RPH3AL: variants seen among roughly 807,000 people sequenced by gnomAD.
RPH3AL encodes the protein rab effector Noc2.
RPH3AL carries 38 observed loss-of-function variants against 43.1 expected under a neutral mutation model. The ratio of observed to expected loss-of-function variants is 0.88; its 90% CI spans 0.68 to 1.15. The LOEUF (loss-of-function observed/expected upper bound fraction) is 1.15, where lower values mean the gene tolerates loss of function less well. Ranked by LOEUF, RPH3AL falls within the 50% of genes most tolerant of loss-of-function variation. The pLI, the probability that RPH3AL is intolerant of heterozygous loss-of-function variation, is 0.00. For synonymous variants in RPH3AL, 189 were observed against 176.3 expected (o/e 1.07, Z -0.57); for missense variants, 462 against 423.2 (o/e 1.09, Z -0.81).
At position 215,764 on chromosome 17, in the gene RPH3AL, G is replaced by A; in HGVS notation, c.766C>T (p.Pro256Ser). 6.1e-6 allele frequency: 8 copies of A among 1,304,838 alleles called. No individual in the cohort carries two copies. The highest frequency in any genetic ancestry group is 7.8e-6 in the Non-Finnish European group (8 of 1,023,144). The allele number at this position is 1,304,838 out of a possible 1,614,324, so 80.8% of individuals were successfully genotyped here. A position where few individuals can be genotyped will look rare whatever the true frequency, so the allele number is the denominator to read the frequency against. Residue 256 changes from proline to serine, a missense_variant, in exon 9 of 10, where the codon CCG becomes TCG. By Grantham distance (74) the Pro-to-Ser change is moderately conservative. Transcript: ENST00000331302. The surrounding 1 kb of genome is among the most constrained non-coding windows in gnomAD (Gnocchi z 4.1). ...VEAPRMGFTH[P>S]PGHLSGCQSS... is the part of the protein sequence containing the mutation. ...TGGCACCCAGAGAGGTGGCCCGGCG[G>A]GTGGGTGAACCCCATCCTGGGGGCC...
rs551571779 is a variant in RPH3AL at position 228,109 on chromosome 17, A to G, written c.614-8373T>C. Among the ~76,000 whole-genome samples the G allele has an allele frequency of 3.9e-5, 6 of 152,164 alleles. No homozygotes were observed. The East Asian group carries it at 1.2e-3, about 30-fold the overall frequency. ...GGGGCTCCATCTTGGTGGCAGCTGG[A>G]GGGGAGCCTGGGGTGGGGGAGTCAC... On this transcript the variant is annotated intron_variant, in intron 7 of 9. Coordinates refer to ENST00000331302, the MANE Select transcript of RPH3AL (RefSeq NM_006987.4).
At chr17:314,194 TG>T (rs1248513106) in intron 5 of RPH3AL, among the ~76,000 whole-genome samples, 42 of 152,160 alleles carry the variant, frequency 2.8e-4, no homozygotes, top group Non-Finnish European at 7.4e-5. Flanking sequence ...CCAGGGGAAG[TG>T]GGCCAGGATC....
intron 6 of RPH3AL, among the ~76,000 whole-genome samples, chr17:258,700 C>A (rs1181128917): frequency 1.3e-5 from 2 of 152,144 alleles, no homozygotes; most frequent in Non-Finnish European, 2.9e-5. Context: ...GAGCACAGGA[C>A]CCAAAGCATC....
chr17:241,055 CAATAATAATAATAAT>C (rs57086885), intron 7 of RPH3AL, among the ~76,000 whole-genome samples: 71 of 143,656 alleles, frequency 4.9e-4, no homozygotes, highest in African/African-American at 1.4e-3. Context: ...GACTCCATCT[CAATAATAATAATAAT>C]AATAATAATA....
intron 6 of RPH3AL, among the ~76,000 whole-genome samples, chr17:268,918 A>G (rs377546801): frequency 3.8e-4 from 57 of 151,330 alleles, no homozygotes; most frequent in Non-Finnish European, 5.3e-4. Context: ...TCGCTCCGTC[A>G]CCCAGGCTGG....
Position 289,764 on chromosome 17 carries a change from G to A in RPH3AL, c.352-7910C>T, listed in dbSNP as rs984465680. ...CTTCTGCCACAGGACCTTTGCACGTGTTGCCCCCTCTGTGTGGCCACGCTG... is the reference window on the plus strand; with the variant it reads ...CTTCTGCCACAGGACCTTTGCACGTATTGCCCCCTCTGTGTGGCCACGCTG... On this transcript the variant is annotated intron_variant, in intron 5 of 9. Transcript: ENST00000331302. The surrounding 1 kb of genome is among the most constrained non-coding windows in gnomAD (Gnocchi z 5.2). Among the ~76,000 whole-genome samples, 1 of 152,188 alleles carries A rather than the reference G, an allele frequency of 6.6e-6. No individual in the cohort carries two copies. Among genetic ancestry groups the A allele is most frequent in the African/African-American group, 2.4e-5 (1 of 41,442 alleles).
chr17:237,523 G>A (rs1245077879), intron 7 of RPH3AL, among the ~76,000 whole-genome samples: 1 of 152,244 alleles, frequency 6.6e-6, no homozygotes, highest in Non-Finnish European at 1.5e-5. Context: ...AAGGGAAAAG[G>A]AATTTGCCTC....
rs540707508 is a variant in RPH3AL at position 273,628 on chromosome 17, C to T, written c.438+8140G>A. ...CGTCAGGAAGAGACCCCAGCGAGGGCGACGTCGGGGATATCCAAAGTGCCC... is the reference window on the plus strand; with the variant it reads ...CGTCAGGAAGAGACCCCAGCGAGGGTGACGTCGGGGATATCCAAAGTGCCC... On this transcript the variant is annotated intron_variant, in intron 6 of 9. Transcript: ENST00000331302. Among the ~76,000 whole-genome samples the T allele has an allele frequency of 6.8e-5, 10 of 148,002 alleles. 3 individuals carry two copies. Among genetic ancestry groups the T allele is most frequent in the Admixed American group, 2.0e-4 (3 of 15,106 alleles).
intron 1 of RPH3AL, among the ~76,000 whole-genome samples, chr17:336,990 C>T (rs983552655): frequency 3.3e-5 from 5 of 152,220 alleles, no homozygotes; most frequent in African/African-American, 4.8e-5. Flanking sequence ...TCATTCCGCC[C>T]GCATCCTCGG....
At chr17:244,963 C>T (rs1364779297) in intron 7 of RPH3AL, among the ~76,000 whole-genome samples, 1 of 151,848 alleles carries the variant, frequency 6.6e-6, no homozygotes, top group Admixed American at 6.6e-5. Context: ...TGTGTGTGAG[C>T]TTGTGTGTCT....
intron 8 of RPH3AL, among the ~76,000 whole-genome samples, chr17:216,636 C>T (rs373069906): frequency 3.9e-5 from 6 of 152,116 alleles, no homozygotes; most frequent in East Asian, 1.9e-4. Context: ...CCCTGGAAAC[C>T]GAGGCTGGCA....
At chr17:306,423 T>A (rs1404793486) in intron 5 of RPH3AL, 2 of 152,228 alleles carry the variant, frequency 1.3e-5, no homozygotes, top group East Asian at 3.9e-4. Context: ...AACCTCCACC[T>A]CGCCTCCGTT....
chr17:306,263 C>A (rs1391114938), intron 5 of RPH3AL, among the ~76,000 whole-genome samples: 2 of 151,954 alleles, frequency 1.3e-5, no homozygotes, highest in Non-Finnish European at 2.9e-5. Context: ...ACATGCCCCA[C>A]GAGCCCCTTC....
intron 5 of RPH3AL, among the ~76,000 whole-genome samples, chr17:297,362 A>G (rs548440693): frequency 6.6e-6 from 1 of 152,174 alleles, no homozygotes; most frequent in African/African-American, 2.4e-5. Context: ...ATCGAACCCA[A>G]AGTATGGGTT....
intron 1 of RPH3AL, among the ~76,000 whole-genome samples, chr17:350,975 G>A (rs2045342468): frequency 6.6e-6 from 1 of 152,180 alleles, no homozygotes; most frequent in South Asian, 2.1e-4. Context: ...TCCAGGAAGA[G>A]GTCACTGAGT....
intron 5 of RPH3AL, among the ~76,000 whole-genome samples, chr17:299,558 C>T (rs72806045): frequency 0.093 from 14,168 of 152,250 alleles, 870 homozygotes; most frequent in South Asian, 0.16. Flanking sequence ...GGGAACAAGA[C>T]GGGCCAAGTC....
intron 3 of RPH3AL, among the ~76,000 whole-genome samples, chr17:327,158 TAGAA>T (rs2044639697): frequency 6.6e-6 from 1 of 152,128 alleles, no homozygotes; most frequent in South Asian, 2.1e-4. Flanking sequence ...AGCCTGTTGA[TAGAA>T]AGGACACACA....
At chr17:228,799 T>G (rs1172408629) in intron 7 of RPH3AL, among the ~76,000 whole-genome samples, 1 of 152,054 alleles carries the variant, frequency 6.6e-6, no homozygotes, top group African/African-American at 2.4e-5. Context: ...AGGCGGCCAG[T>G]CCCCTCTCGG....
intron 5 of RPH3AL, among the ~76,000 whole-genome samples, chr17:301,766 G>C (rs1255738128): frequency 6.6e-6 from 1 of 152,094 alleles, no homozygotes; most frequent in African/African-American, 2.4e-5. Flanking sequence ...GCCGAGCTGT[G>C]ACCACGCCTG....
Sources: allele counts gnomAD v4.1 joint callset (sites outside exome capture counted in the v4.1 genomes callset), GRCh38; gene constraint gnomAD v4.1.1; non-coding constraint Gnocchi (gnomAD v3.1); transcripts MANE v1.5; gene names NCBI Gene and HGNC (gene_info 2026-07-23, HGNC 2026-07-21).